TRDN: variants seen among roughly 807,000 people sequenced by gnomAD.
The protein encoded by TRDN is triadin.
In TRDN, 161 loss-of-function variants were observed where a neutral mutation model predicts 149.7. That is an observed-to-expected ratio of 1.08 (90% CI 0.95 to 1.23). The LOEUF (loss-of-function observed/expected upper bound fraction) is 1.23. TRDN is among the 50% of genes most tolerant of loss of function. The pLI is 0.00. For missense variants in TRDN, 896 were observed against 823.5 expected (o/e 1.09, Z -1.08); for synonymous variants, 294 against 250.5 (o/e 1.17, Z -1.64).
intron 1 of TRDN, among the ~76,000 whole-genome samples, chr6:123,602,146 T>C (rs1033641742): frequency 6.6e-6 from 1 of 152,090 alleles, no homozygotes; most frequent in Admixed American, 6.6e-5. Flanking sequence ...AATCTGTTTT[T>C]TAAAAAATAA....
At chr6:123,257,269 C>T (rs747515505) in intron 35 of TRDN, among the ~76,000 whole-genome samples, 28 of 150,374 alleles carry the variant, frequency 1.9e-4, no homozygotes, top group Admixed American at 2.6e-4. Context: ...TGAGCAACCA[C>T]GCCCGGCATG....
chr6:123,615,676 C>T (rs950572992), intron 1 of TRDN, among the ~76,000 whole-genome samples: 1 of 152,078 alleles, frequency 6.6e-6, no homozygotes, highest in African/African-American at 2.4e-5. Context: ...TTTGTTCTCA[C>T]TCATATGTGG....
chr6:123,252,943 T>C (rs1464424125), intron 37 of TRDN, among the ~76,000 whole-genome samples: 1 of 152,128 alleles, frequency 6.6e-6, no homozygotes, highest in African/African-American at 2.4e-5. Flanking sequence ...TCAACTATTA[T>C]TATACTTAGC....
chr6:123,257,525 A>G (rs191994176), intron 35 of TRDN, among the ~76,000 whole-genome samples: 88 of 152,246 alleles, frequency 5.8e-4, no homozygotes, highest in African/African-American at 2.0e-3. Flanking sequence ...TACCAGTACC[A>G]TGCTGTTTTG....
intron 40 of TRDN, among the ~76,000 whole-genome samples, chr6:123,219,101 C>T (rs940371242): frequency 2.0e-5 from 3 of 151,896 alleles, no homozygotes; most frequent in African/African-American, 7.2e-5. Flanking sequence ...GACATAGTCA[C>T]AGGTTTCAAA....
intron 1 of TRDN, among the ~76,000 whole-genome samples, chr6:123,610,172 A>G (rs1228402706): frequency 2.6e-5 from 4 of 152,200 alleles, no homozygotes; most frequent in African/African-American, 9.6e-5. Flanking sequence ...CACAAGTGCC[A>G]TGTCTAATGA....
chr6:123,343,068 T>TGTG (rs1171259901), intron 21 of TRDN, among the ~76,000 whole-genome samples: 1 of 152,086 alleles, frequency 6.6e-6, no homozygotes, highest in Non-Finnish European at 1.5e-5. Context: ...GTAATCTTTG[T>TGTG]GTGGCAAAAG....
chr6:123,597,202 G>A (rs746590429), intron 1 of TRDN, among the ~76,000 whole-genome samples: 10 of 152,032 alleles, frequency 6.6e-5, no homozygotes, highest in Non-Finnish European at 1.3e-4. Flanking sequence ...ACTTTAAGGG[G>A]TTCAAGACTT....
At chr6:123,594,966 T>A (rs978853601) in intron 1 of TRDN, among the ~76,000 whole-genome samples, 3 of 151,920 alleles carry the variant, frequency 2.0e-5, no homozygotes, top group African/African-American at 4.8e-5. Flanking sequence ...CCACCCAGAA[T>A]ATGCCTCTGT....
chr6:123,224,515 A>C (rs1301703248), intron 38 of TRDN, among the ~76,000 whole-genome samples: 1 of 151,810 alleles, frequency 6.6e-6, no homozygotes, highest in East Asian at 1.9e-4. Flanking sequence ...CTAGATAAAG[A>C]GATCAGTGTC....
At chr6:123,551,926 T>A (rs561301395) in intron 2 of TRDN, among the ~76,000 whole-genome samples, 2 of 152,196 alleles carry the variant, frequency 1.3e-5, no homozygotes, top group African/African-American at 4.8e-5. Flanking sequence ...GAACAAAGAC[T>A]TTACTGCATG....
intron 7 of TRDN, among the ~76,000 whole-genome samples, chr6:123,511,029 G>A (rs570498125): frequency 2.0e-5 from 3 of 152,234 alleles, no homozygotes; most frequent in Non-Finnish European, 2.9e-5. Context: ...CTATGCTTTT[G>A]AGGTCTTACT....
intron 12 of TRDN, among the ~76,000 whole-genome samples, chr6:123,432,802 A>G (rs1001466774): frequency 5.9e-5 from 9 of 152,000 alleles, no homozygotes; most frequent in Admixed American, 1.3e-4. Context: ...TGAAACATCT[A>G]TTTCTGAAAC....
Position 123,352,310 on chromosome 6 carries a change from G to T in TRDN, c.1369+229C>A, listed in dbSNP as rs9375250. The T allele has an allele frequency of 0.91, 895,234 of 984,958 alleles. 406,924 individuals are homozygous for T. Among genetic ancestry groups the T allele is most frequent in the East Asian group, 0.99 (8,718 of 8,794 alleles). 61.0% of individuals were successfully genotyped at this position (984,958 alleles called of 1,614,324 possible). A position where few individuals can be genotyped will look rare whatever the true frequency, so the allele number is the denominator to read the frequency against. On this transcript the variant is annotated intron_variant, in intron 21 of 40. Transcript: ENST00000334268. Reference sequence around the variant, plus strand: ...TCCCCTGATGTAATTAAACAGTTTGGGGAGTTTCCCTGTTCGGAACTGATA... The same window carrying T: ...TCCCCTGATGTAATTAAACAGTTTGTGGAGTTTCCCTGTTCGGAACTGATA...
chr6:123,450,460 G>T (rs1775702317), intron 10 of TRDN, among the ~76,000 whole-genome samples: 1 of 151,976 alleles, frequency 6.6e-6, no homozygotes, highest in African/African-American at 2.4e-5. Context: ...AAGAAAAACA[G>T]ACAAGAAAAA....
chr6:123,544,759 G>C (rs1781031380), intron 4 of TRDN, among the ~76,000 whole-genome samples: 1 of 151,836 alleles, frequency 6.6e-6, no homozygotes, highest in African/African-American at 2.4e-5. Flanking sequence ...TTAAAATTTT[G>C]ACAAGTTGAA....
At chr6:123,230,571 A>C (rs1314277870) in intron 38 of TRDN, among the ~76,000 whole-genome samples, 1 of 151,646 alleles carries the variant, frequency 6.6e-6, no homozygotes, top group Non-Finnish European at 1.5e-5. Flanking sequence ...AAAAATGATA[A>C]AACCACCACT....
chr6:123,535,932 C>A (rs756332322), intron 4 of TRDN, among the ~76,000 whole-genome samples: 1 of 151,984 alleles, frequency 6.6e-6, no homozygotes, highest in Non-Finnish European at 1.5e-5. Context: ...AAAATATGTG[C>A]ATCTCTGACA....
chr6:123,335,008 C>A (rs1582886058), intron 22 of TRDN, among the ~76,000 whole-genome samples: 1 of 151,920 alleles, frequency 6.6e-6, no homozygotes, highest in African/African-American at 2.4e-5. Context: ...GAATTTTTAG[C>A]AAGTGAAATT....
Sources: allele counts gnomAD v4.1 joint callset (sites outside exome capture counted in the v4.1 genomes callset), GRCh38; gene constraint gnomAD v4.1.1; transcripts MANE v1.5; gene names NCBI Gene and HGNC (gene_info 2026-07-23, HGNC 2026-07-21).